Variants in RIC3 observed in about 807,000 individuals in gnomAD.
The protein encoded by RIC3 is protein RIC-3.
In RIC3, 28 loss-of-function variants were observed where a neutral mutation model predicts 27.3. The ratio of observed to expected loss-of-function variants is 1.02; its 90% CI spans 0.76 to 1.41. The LOEUF (loss-of-function observed/expected upper bound fraction) is 1.41. Ranked by LOEUF, RIC3 falls within the 40% of genes most tolerant of loss-of-function variation. The pLI is 0.00. For missense variants in RIC3, 501 were observed against 444.7 expected (o/e 1.13, Z -1.14); for synonymous variants, 184 against 160.4 (o/e 1.15, Z -1.11).
intron 1 of RIC3, among the ~76,000 whole-genome samples, chr11:8,159,623 T>C (rs570617294): frequency 1.2e-4 from 18 of 152,236 alleles, no homozygotes; most frequent in Admixed American, 2.6e-4. Context: ...AACGTTTCCA[T>C]GAATACAGTG....
At chr11:8,114,309 G>A (rs944075239) in intron 5 of RIC3, among the ~76,000 whole-genome samples, 2 of 152,166 alleles carry the variant, frequency 1.3e-5, no homozygotes, top group Non-Finnish European at 2.9e-5. Flanking sequence ...AGACTCTAAA[G>A]AAATGAAGAT....
rs1945118691 is a variant in RIC3 at position 8,110,523 on chromosome 11, CA to C, written c.*174del. The C allele has an allele frequency of 1.4e-6, 1 of 697,594 alleles. No homozygotes were observed. The highest frequency in any genetic ancestry group is 2.6e-6 in the Non-Finnish European group (1 of 385,914). The allele number at this position is 697,594 out of a possible 1,614,324, so 43.2% of individuals were successfully genotyped here. On this transcript the variant is annotated 3_prime_UTR_variant, in exon 6 of 6. Coordinates refer to ENST00000309737, the MANE Select transcript of RIC3 (RefSeq NM_001206671.4). ...TGTTCACACTAATGTCCGTGTTTTA[CA>C]AGGTGACAGGTGTGTGAGCACCAGG...
At chr11:8,149,057 G>A (rs1949989833) in intron 1 of RIC3, among the ~76,000 whole-genome samples, 1 of 150,610 alleles carries the variant, frequency 6.6e-6, no homozygotes, top group Non-Finnish European at 1.5e-5. Context: ...GCCGGGTATG[G>A]TGGCGGGCAC....
intron 5 of RIC3, among the ~76,000 whole-genome samples, chr11:8,112,561 T>C (rs958458471): frequency 1.3e-5 from 2 of 152,184 alleles, no homozygotes; most frequent in Non-Finnish European, 2.9e-5. Context: ...TTCCAAATTG[T>C]TGGGATTACA....
At chr11:8,121,546 T>C (rs1946452516) in intron 5 of RIC3, among the ~76,000 whole-genome samples, 1 of 151,946 alleles carries the variant, frequency 6.6e-6, no homozygotes, top group Non-Finnish European at 1.5e-5. Context: ...CAAAACCGTG[T>C]CTCTACTAAA....
In RIC3 at chr11:8,168,948, C is replaced by A. The variant is rs747144959; in HGVS notation, c.42G>T (p.Gly14=). The A allele has an allele frequency of 3.1e-6, 5 of 1,610,022 alleles. No homozygotes were observed. The African/African-American group carries it at 4.0e-5, about 13-fold the overall frequency. ...STVQRVALAS[G]LVLALSLLLP... ...GCAGCAGCGACAGAGCCAGGACAAG[C>A]CCAGAAGCCAGAGCGACTCTCTGCA... is the stretch of plus-strand genomic sequence containing the variant. The change falls in exon 1 of 6, where the codon GGG becomes GGT. Residue 14 remains glycine (G), a synonymous_variant. Coordinates refer to ENST00000309737, the MANE Select transcript of RIC3 (RefSeq NM_001206671.4).
Position 8,168,852 on chromosome 11 carries a change from T to C in RIC3, c.124+14A>G, listed in dbSNP as rs747671308. The C allele has an allele frequency of 3.7e-6, 6 of 1,608,956 alleles. No individual in the cohort carries two copies. In the South Asian group the frequency reaches 6.6e-5, roughly 18 times the overall value. On this transcript the variant is annotated intron_variant, in intron 1 of 5. Coordinates refer to ENST00000309737, the MANE Select transcript of RIC3 (RefSeq NM_001206671.4). The stretch of plus-strand genomic sequence containing the variant: ...CGGCGCCGGGAAGCTCAGAGGGAGC[T>C]GGCCTGCTCTTACCTTCAGGTGTCG...
At chr11:8,124,035 C>T (rs1487282094) in intron 5 of RIC3, among the ~76,000 whole-genome samples, 5 of 148,984 alleles carry the variant, frequency 3.4e-5, no homozygotes, top group African/African-American at 1.2e-4. Context: ...TGCCACTGTA[C>T]TCCAGCCTGG....
intron 1 of RIC3, among the ~76,000 whole-genome samples, chr11:8,145,656 CA>C (rs1489709414): frequency 5.3e-5 from 8 of 151,304 alleles, no homozygotes; most frequent in Non-Finnish European, 1.2e-4. Context: ...GGGGCAGAGG[CA>C]GGGGGAGGTG....
At chr11:8,098,053 G>A in the RIC3 span, among the ~76,000 whole-genome samples, 1 of 152,300 alleles carries the variant, frequency 6.6e-6, no homozygotes, top group Middle Eastern at 3.4e-3. Context: ...CCCAGGAGGT[G>A]GGTGCAGGCC....
rs200202014 is a variant in RIC3 at position 8,106,687 on chromosome 11, TC to T, written c.*4010del. On this transcript the variant is annotated 3_prime_UTR_variant, in exon 6 of 6. Coordinates refer to ENST00000309737, the MANE Select transcript of RIC3 (RefSeq NM_001206671.4). ...AACAGGACCTCGAGATGCTTAGGAA[TC>T]TTTTTTTGTTGCCGGGCAGCTGTGG... is the stretch of plus-strand genomic sequence containing the variant. 1 of 436 alleles carries T rather than the reference TC, an allele frequency of 2.3e-3. No individual in the cohort carries two copies. The highest frequency in any genetic ancestry group is 5.6e-3 in the Non-Finnish European group (1 of 178). The allele number at this position is 436 out of a possible 1,614,324, so 0.0% of individuals were successfully genotyped here.
intron 1 of RIC3, 79 bp downstream of exon 1, chr11:8,168,787 C>T (rs1450487634): frequency 2.6e-6 from 4 of 1,533,584 alleles, no homozygotes; most frequent in African/African-American, 1.4e-5. Context: ...TGCAGACTCT[C>T]AGAGTCACCC....
chr11:8,101,512 C>T (rs376531726), downstream of RIC3: 8 of 1,614,214 alleles, frequency 5.0e-6, no homozygotes, highest in Admixed American at 1.7e-5. Flanking sequence ...GCAGTTTGGC[C>T]GGGTAGCAGA....
At chr11:8,159,022 C>T (rs112518718) in intron 1 of RIC3, among the ~76,000 whole-genome samples, 5 of 150,496 alleles carry the variant, frequency 3.3e-5, no homozygotes, top group African/African-American at 9.8e-5. Flanking sequence ...TGAGCCACCG[C>T]GCTCGGCCAC....
intron 4 of RIC3, among the ~76,000 whole-genome samples, chr11:8,131,493 G>T (rs1052567945): frequency 6.6e-6 from 1 of 152,124 alleles, no homozygotes. Flanking sequence ...TGAGGCTAAA[G>T]GTAGGTATCT....
In RIC3 at chr11:8,137,476, AAAAT is replaced by A. The variant is rs1462647872; in HGVS notation, c.428-9_428-6del. 3.1e-6 allele frequency: 5 copies of A among 1,612,420 alleles called. No individual in the cohort carries two copies. Among genetic ancestry groups the A allele is most frequent in the Non-Finnish European group, 4.2e-6 (5 of 1,179,006 alleles). ...GTTGAGCAAGCTCAAAACTGGCTAA[AAAAT>A]AAGCAACAATCTAAGAACCATCAGA... On this transcript the variant is annotated splice_polypyrimidine_tract_variant and splice_region_variant and intron_variant, in intron 3 of 5. Coordinates refer to ENST00000309737, the MANE Select transcript of RIC3 (RefSeq NM_001206671.4).
At position 8,164,825 on chromosome 11, in the gene RIC3, T is replaced by C. The variant is rs185729529; in HGVS notation, c.124+4041A>G. Among the ~76,000 whole-genome samples, 42 of 149,098 alleles carry C rather than the reference T, an allele frequency of 2.8e-4. 2 individuals carry two copies. The South Asian group carries it at 8.6e-3, about 31-fold the overall frequency. On this transcript the variant is annotated intron_variant, in intron 1 of 5. Transcript: ENST00000309737. Reference sequence around the variant, plus strand: ...AAAAAAAAGACAAGTAATCTGACTTTTAAAGAGGGTTAAAAGGACCTGAAT... The same window carrying C: ...AAAAAAAAGACAAGTAATCTGACTTCTAAAGAGGGTTAAAAGGACCTGAAT...
At chr11:8,100,710 G>GA in the RIC3 span, 1 of 1,542,576 alleles carries the variant, frequency 6.5e-7, no homozygotes, top group Non-Finnish European at 8.9e-7. Flanking sequence ...TACCATGTGA[G>GA]AAAGCCCTGG....
intron 1 of RIC3, among the ~76,000 whole-genome samples, chr11:8,141,945 G>C (rs1036649121): frequency 6.6e-6 from 1 of 151,716 alleles, no homozygotes; most frequent in African/African-American, 2.4e-5. Flanking sequence ...ATAACGAAAC[G>C]AAGGCAGAAA....
Sources: gnomAD v4.1 joint callset for allele counts (sites outside exome capture counted in the v4.1 genomes callset) on GRCh38, gnomAD v4.1.1 for gene constraint, MANE v1.5 for transcripts, NCBI Gene and HGNC (gene_info 2026-07-23, HGNC 2026-07-21) for gene names.